Variants in PLAC1 observed in about 807,000 individuals in gnomAD.
The protein encoded by PLAC1 is placenta-specific protein 1.
For synonymous variants in PLAC1, 68 were observed against 62.1 expected (o/e 1.09, Z -0.44); for missense variants, 136 against 163.2 (o/e 0.83, Z 0.91).
chrX:134,750,810 A>ATAT (rs1358114107), intron 1 of PLAC1, among the ~76,000 whole-genome samples: 1 of 55,091 alleles, frequency 1.8e-5, no homozygotes, highest in Non-Finnish European at 2.8e-5. Context: ...TACAAAAAAA[A>ATAT]AAATATATAT....
intron 1 of PLAC1, among the ~76,000 whole-genome samples, chrX:134,609,141 G>A (rs1184806128): frequency 9.0e-6 from 1 of 110,519 alleles, no homozygotes; most frequent in African/African-American, 3.3e-5. Flanking sequence ...CCTGGCCTGT[G>A]GTGCCATTCT....
intron 2 of PLAC1, among the ~76,000 whole-genome samples, chrX:134,669,105 G>A (rs2078446466): frequency 1.8e-5 from 2 of 111,991 alleles, no homozygotes; most frequent in Non-Finnish European, 3.8e-5. Flanking sequence ...AGGGAGAGGT[G>A]TGTGAGTTAT....
intron 2 of PLAC1, among the ~76,000 whole-genome samples, chrX:134,573,935 C>A (rs2077923276): frequency 9.0e-6 from 1 of 111,646 alleles, no homozygotes; most frequent in African/African-American, 3.3e-5. Context: ...AGAAAAGGTT[C>A]CTTTGATAGG....
Position 134,614,282 on chromosome X carries a change from A to G in PLAC1, c.-130-12160T>C, listed in dbSNP as rs183824723. 3.9e-3 allele frequency among the ~76,000 whole-genome samples: 440 copies of G among 111,563 alleles called. 3 individuals carry two copies. The highest frequency in any genetic ancestry group is 0.013 in the African/African-American group (413 of 30,692). The stretch of plus-strand genomic sequence containing the variant: ...ATTTGAGGTGTATAACATGATGTGT[A>G]TATATATATACAGTAAAATAATACA... On this transcript the variant is annotated intron_variant, in intron 1 of 2. Coordinates refer to ENST00000359237, the MANE Select transcript of PLAC1 (RefSeq NM_021796.4).
At chrX:134,574,007 G>T (rs759401843) in intron 2 of PLAC1, among the ~76,000 whole-genome samples, 1 of 110,302 alleles carries the variant, frequency 9.1e-6, no homozygotes, top group Admixed American at 9.7e-5. Context: ...TATCGGAGTA[G>T]GTAAAGATGC....
At chrX:134,655,410 C>G (rs2078386021) in intron 1 of PLAC1, among the ~76,000 whole-genome samples, 1 of 110,375 alleles carries the variant, frequency 9.1e-6, no homozygotes, top group East Asian at 2.8e-4. Flanking sequence ...CCACTAAATT[C>G]TTCAGAATGA....
chrX:134,600,289 C>G (rs2078082270), intron 2 of PLAC1, among the ~76,000 whole-genome samples: 1 of 111,504 alleles, frequency 9.0e-6, no homozygotes, highest in African/African-American at 3.3e-5. Flanking sequence ...ACCTCAGCCT[C>G]CAGAGTAGCT....
chrX:134,762,844 A>AAAAAAAAAAAAAAAAAAAAAG (rs1569416103), intron 1 of PLAC1, among the ~76,000 whole-genome samples: 2 of 104,871 alleles, frequency 1.9e-5, no homozygotes, highest in Non-Finnish European at 3.9e-5. Context: ...AAAAAAAAAA[A>AAAAAAAAAAAAAAAAAAAAAG]AAAAGAAAAG....
intron 1 of PLAC1, among the ~76,000 whole-genome samples, chrX:134,630,228 C>T (rs761545690): frequency 9.0e-6 from 1 of 111,714 alleles, no homozygotes; most frequent in South Asian, 3.8e-4. Context: ...CCCTCGGCCT[C>T]CCAAAGTGCT....
intron 2 of PLAC1, among the ~76,000 whole-genome samples, chrX:134,722,445 A>T (rs1471671278): frequency 8.9e-6 from 1 of 112,391 alleles, no homozygotes. Context: ...CACATATTAC[A>T]CGATTCCACT....
intron 1 of PLAC1, among the ~76,000 whole-genome samples, chrX:134,757,537 A>G (rs988702510): frequency 8.9e-6 from 1 of 112,240 alleles, no homozygotes; most frequent in African/African-American, 3.2e-5. Context: ...AATTTGTATG[A>G]CCTTTGATCC....
At chrX:134,663,426 AAAGAT>A (rs200951889), upstream of PLAC1, among the ~76,000 whole-genome samples, 1,327 of 71,831 alleles carry the variant, frequency 0.018, 16 homozygotes, top group African/African-American at 0.054. Flanking sequence ...CATTTAAAAT[AAAGAT>A]ATGTGTGTGT....
chrX:134,599,684 G>C (rs1434264495), intron 2 of PLAC1, among the ~76,000 whole-genome samples: 1 of 111,896 alleles, frequency 8.9e-6, no homozygotes, highest in East Asian at 2.8e-4. Context: ...GAATCTAGGG[G>C]AGGGAGAGTT....
intron 2 of PLAC1, among the ~76,000 whole-genome samples, chrX:134,684,428 A>AC (rs2078509065): frequency 9.2e-6 from 1 of 108,292 alleles, no homozygotes; most frequent in Admixed American, 9.9e-5. Context: ...AAAAAAAAAA[A>AC]AAAAACACTC....
At chrX:134,585,646 T>C (rs2077996611) in intron 2 of PLAC1, among the ~76,000 whole-genome samples, 1 of 110,800 alleles carries the variant, frequency 9.0e-6, no homozygotes, top group East Asian at 2.9e-4. Context: ...TGTCCTGAGG[T>C]GGGGACCCTG....
At position 134,675,423 on chromosome X, in the gene PLAC1, C is replaced by A. The variant is rs751648479; in HGVS notation, n.174+58012G>T. ...GCTCACGCCTGTAATCCCAGCATTT[C>A]GGGAGGCCGAGGCGGGTGGATCACC... On this transcript the variant is annotated intron_variant and non_coding_transcript_variant, in intron 2 of 2. Coordinates refer to the PLAC1 transcript ENST00000466797. Among the ~76,000 whole-genome samples, 3 of 112,146 alleles carry A rather than the reference C, an allele frequency of 2.7e-5. No individual in the cohort carries two copies. In the South Asian group the frequency reaches 1.1e-3, roughly 41 times the overall value.
intron 2 of PLAC1, among the ~76,000 whole-genome samples, chrX:134,598,275 C>T (rs1414251309): frequency 8.9e-6 from 1 of 111,881 alleles, no homozygotes; most frequent in Non-Finnish European, 1.9e-5. Context: ...GAACTATAGA[C>T]TAAAGTGTCC....
chrX:134,633,237 T>C (rs1417670712), intron 1 of PLAC1, among the ~76,000 whole-genome samples: 2 of 111,747 alleles, frequency 1.8e-5, no homozygotes, highest in Non-Finnish European at 3.8e-5. Context: ...CTAATAGGAC[T>C]CCAACAAGCA....
intron 1 of PLAC1, among the ~76,000 whole-genome samples, chrX:134,612,655 C>T (rs1416639559): frequency 8.9e-6 from 1 of 112,013 alleles, no homozygotes; most frequent in Non-Finnish European, 1.9e-5. Flanking sequence ...ATACAAGCCT[C>T]TCTAAGCCCT....
Sources: allele counts gnomAD v4.1 joint callset (sites outside exome capture counted in the v4.1 genomes callset), GRCh38; gene constraint gnomAD v4.1.1; transcripts MANE v1.5; gene names NCBI Gene and HGNC (gene_info 2026-07-23, HGNC 2026-07-21).